ADGRG7: variants seen among roughly 807,000 people sequenced by gnomAD.
The protein encoded by ADGRG7 is G-protein coupled receptor 128.
ADGRG7 carries 82 observed loss-of-function variants against 88.6 expected under a neutral mutation model. That is an observed-to-expected ratio of 0.93 (90% CI 0.77 to 1.11). The LOEUF is 1.11. Among genes scored for constraint, ADGRG7 ranks in the 50% most tolerant of loss-of-function variants. The pLI, the probability that ADGRG7 is intolerant of heterozygous loss-of-function variation, is 0.00. For missense variants in ADGRG7, 945 were observed against 953.4 expected, an observed-to-expected ratio of 0.99 and a Z score of 0.12; for synonymous variants, 381 against 345.2, an observed-to-expected ratio of 1.10 and a Z score of -1.15.
In ADGRG7 at chr3:100,649,812, G is replaced by C; in HGVS notation, c.1379+5G>C. The C allele has an allele frequency of 2.0e-6, 3 of 1,508,742 alleles. No individual in the cohort carries two copies. The highest frequency in any genetic ancestry group is 2.8e-6 in the Non-Finnish European group (3 of 1,087,656). The allele number at this position is 1,508,742 out of a possible 1,614,324, so 93.5% of individuals were successfully genotyped here. ...TATATTTCAGATTGTCACCAGGTAA[G>C]AGCAGAAGCAGGCTCTTTTCAGAAG... On this transcript the variant is annotated splice_donor_5th_base_variant and intron_variant, in intron 11 of 15. Coordinates refer to ENST00000273352, the MANE Select transcript of ADGRG7 (RefSeq NM_032787.3).
chr3:100,673,493 G>T (rs535733665), intron 15 of ADGRG7, among the ~76,000 whole-genome samples: 1 of 147,794 alleles, frequency 6.8e-6, no homozygotes. Flanking sequence ...ACAGAGTCTC[G>T]GTCTGTCATG....
chr3:100,643,535 G>C lies in ADGRG7; in HGVS notation c.848G>C (p.Ser283Thr). 3 of 1,613,068 alleles carry C rather than the reference G, an allele frequency of 1.9e-6. No homozygotes were observed. The highest frequency in any genetic ancestry group is 2.5e-6 in the Non-Finnish European group (3 of 1,179,456). Residue 283 changes from serine (S) to threonine (T), a missense_variant, in exon 8 of 16, where the codon AGT becomes ACT. Physicochemically the swap from Ser to Thr is moderately conservative, Grantham distance 58. Coordinates refer to ENST00000273352, the MANE Select transcript of ADGRG7 (RefSeq NM_032787.3). ...CTTTCCCTTCTCATAGGAGCTAGCA[G>C]TTCTCTAGTTTCTAGTTCAACATTT... ...VRFSVQKGASSSLVSSSTFIH... is the reference protein window; with the variant it reads ...VRFSVQKGASTSLVSSSTFIH...
At chr3:100,615,092 G>A (rs1015418407) in intron 1 of ADGRG7, among the ~76,000 whole-genome samples, 2 of 152,220 alleles carry the variant, frequency 1.3e-5, no homozygotes, top group Non-Finnish European at 2.9e-5. Flanking sequence ...GGCAGGCACT[G>A]TGAGGAAGGA....
intron 1 of ADGRG7, among the ~76,000 whole-genome samples, chr3:100,624,383 G>A (rs1003053177): frequency 2.0e-5 from 3 of 152,028 alleles, no homozygotes; most frequent in Non-Finnish European, 2.9e-5. Context: ...CTTTTTGATA[G>A]GATTGTTTGT....
chr3:100,638,683 C>T (rs1553691749), intron 6 of ADGRG7, among the ~76,000 whole-genome samples: 1 of 152,154 alleles, frequency 6.6e-6, no homozygotes, highest in Non-Finnish European at 1.5e-5. Flanking sequence ...TAGAGTTTCT[C>T]TGCCTCCTCC....
At chr3:100,638,345 T>C (rs556879017) in intron 6 of ADGRG7, among the ~76,000 whole-genome samples, 1 of 152,252 alleles carries the variant, frequency 6.6e-6, no homozygotes, top group African/African-American at 2.4e-5. Context: ...GAAGGGCAGG[T>C]TGCTCTCCCC....
intron 6 of ADGRG7, among the ~76,000 whole-genome samples, chr3:100,642,357 C>G (rs938806630): frequency 1.3e-5 from 2 of 152,178 alleles, no homozygotes; most frequent in Non-Finnish European, 2.9e-5. Flanking sequence ...AGGATCTAAC[C>G]TGAATGTTTC....
At chr3:100,652,331 T>C (rs890325877) in intron 11 of ADGRG7, among the ~76,000 whole-genome samples, 4 of 152,086 alleles carry the variant, frequency 2.6e-5, no homozygotes, top group African/African-American at 9.7e-5. Flanking sequence ...CGTAAAAACA[T>C]AAAGAATACA....
At chr3:100,641,504 C>T (rs1471375) in intron 6 of ADGRG7, among the ~76,000 whole-genome samples, 78,735 of 152,046 alleles carry the variant, frequency 0.52, 22,129 homozygotes, top group South Asian at 0.76. Context: ...ATAGATCAGT[C>T]ATTAGAAAGG....
chr3:100,662,217 T>G (rs2094946467), intron 14 of ADGRG7, among the ~76,000 whole-genome samples: 1 of 152,150 alleles, frequency 6.6e-6, no homozygotes, highest in African/African-American at 2.4e-5. Flanking sequence ...CTGGAAATTT[T>G]TAGCTAAAGT....
chr3:100,651,690 T>C (rs1324218405), intron 11 of ADGRG7, among the ~76,000 whole-genome samples: 2 of 152,106 alleles, frequency 1.3e-5, no homozygotes, highest in Non-Finnish European at 2.9e-5. Context: ...ACAAATTTTT[T>C]TTTTTAAAGA....
chr3:100,689,530 A>G (rs1559694445), intron 15 of ADGRG7, among the ~76,000 whole-genome samples: 2 of 152,060 alleles, frequency 1.3e-5, no homozygotes, highest in African/African-American at 4.8e-5. Flanking sequence ...TCCTTTCCAT[A>G]TTTAGTGCTT....
intron 1 of ADGRG7, among the ~76,000 whole-genome samples, chr3:100,610,915 G>T (rs1718286): frequency 3.3e-5 from 5 of 152,078 alleles, no homozygotes; most frequent in Admixed American, 6.5e-5. Context: ...CAAAGATCCA[G>T]TGTTGAAGAC....
At chr3:100,626,996 A>C (rs1337444562) in intron 1 of ADGRG7, among the ~76,000 whole-genome samples, 2 of 152,074 alleles carry the variant, frequency 1.3e-5, no homozygotes, top group African/African-American at 4.8e-5. Flanking sequence ...CTTTTTGGAG[A>C]TATCTTAGCA....
intron 1 of ADGRG7, 104 bp downstream of exon 1, chr3:100,610,075 G>C (rs978536248): frequency 4.1e-5 from 35 of 863,398 alleles, no homozygotes; most frequent in African/African-American, 3.7e-4. Context: ...TCCAGTCTGA[G>C]GCATTCCACC....
chr3:100,641,171 A>C (rs538483721), intron 6 of ADGRG7, among the ~76,000 whole-genome samples: 1 of 152,336 alleles, frequency 6.6e-6, no homozygotes, highest in South Asian at 2.1e-4. Flanking sequence ...TGCAAAGTTT[A>C]AGGACAGCTG....
intron 1 of ADGRG7, among the ~76,000 whole-genome samples, chr3:100,627,623 G>A (rs1707397496): frequency 6.6e-6 from 1 of 152,152 alleles, no homozygotes; most frequent in Non-Finnish European, 1.5e-5. Context: ...TTCTAAAAGA[G>A]TTTGTATGAG....
Position 100,635,762 on chromosome 3 carries a change from A to G in ADGRG7, c.533A>G (p.Asn178Ser), listed in dbSNP as rs1286931852. Residue 178 changes from asparagine (N) to serine (S), a missense_variant, in exon 5 of 16, where the codon AAC becomes AGC. Transcript: ENST00000273352. ...TSDANKLTAE[N>S]ITSATRVVGQ... The stretch of plus-strand genomic sequence containing the variant: ...GATGCCAATAAATTAACTGCTGAGA[A>G]CATCACTAGTGCTACGCGAGTGGTT... 6.2e-7 allele frequency: 1 copy of G among 1,613,982 alleles called. No individual in the cohort carries two copies. Among genetic ancestry groups the G allele is most frequent in the Non-Finnish European group, 8.5e-7 (1 of 1,179,952 alleles).
rs552262431 is a variant in ADGRG7, at chr3:100,655,919, G to A, written c.1747G>A (p.Ala583Thr). 6.3e-7 allele frequency: 1 copy of A among 1,597,438 alleles called. No individual in the cohort carries two copies. Among genetic ancestry groups the A allele is most frequent in the Non-Finnish European group, 8.6e-7 (1 of 1,165,010 alleles). The change falls in exon 13 of 16, where the codon GCT becomes ACT. Residue 583 changes from alanine (A) to threonine (T), a missense_variant. Ala to Thr is a moderately conservative substitution (Grantham distance 58). Coordinates refer to ENST00000273352, the MANE Select transcript of ADGRG7 (RefSeq NM_032787.3). ...CATAGGAGTCCCAGCTATAGTAGTG[G>A]CTATAACAGTGGGAGTTATTTATTC... ...IGWGVPAIVV[A>T]ITVGVIYSQN...
Sources: allele counts gnomAD v4.1 joint callset (sites outside exome capture counted in the v4.1 genomes callset), GRCh38; gene constraint gnomAD v4.1.1; transcripts MANE v1.5; gene names NCBI Gene and HGNC (gene_info 2026-07-23, HGNC 2026-07-21).